Variants in UPF2 observed in about 807,000 individuals in gnomAD.
UPF2 encodes regulator of nonsense transcripts 2.
In UPF2, 17 loss-of-function variants were observed where a neutral mutation model predicts 141.4. The observed-to-expected ratio is 0.12, with a 90% CI of 0.08 to 0.18. The LOEUF is 0.18. Ranked by LOEUF, UPF2 falls within the 10% of genes least tolerant of loss-of-function variation. The pLI, the probability that UPF2 is intolerant of heterozygous loss-of-function variation, is 1.00. For missense variants in UPF2, 1,152 were observed against 1,515.9 expected (o/e 0.76, Z 3.99); for synonymous variants, 540 against 498.0 (o/e 1.08, Z -1.12).
At chr10:12,034,670 T>C (rs1834589942) in intron 2 of UPF2, among the ~76,000 whole-genome samples, 1 of 152,012 alleles carries the variant, frequency 6.6e-6, no homozygotes, top group Non-Finnish European at 1.5e-5. Context: ...CTGGGCATGA[T>C]GGCAGGTGCC....
At chr10:12,018,709 G>A (rs1047425436) in intron 3 of UPF2, among the ~76,000 whole-genome samples, 2 of 152,114 alleles carry the variant, frequency 1.3e-5, no homozygotes, top group Non-Finnish European at 2.9e-5. Flanking sequence ...CCGTGACCGT[G>A]CCACTGTGCT....
intron 2 of UPF2, among the ~76,000 whole-genome samples, chr10:12,030,282 T>C (rs1469413006): frequency 6.6e-6 from 1 of 151,996 alleles, no homozygotes; most frequent in Non-Finnish European, 1.5e-5. Flanking sequence ...CCAGATGTGG[T>C]GGCTCCCAGC....
intron 9 of UPF2, among the ~76,000 whole-genome samples, chr10:11,967,739 G>A (rs11257455): frequency 6.6e-5 from 10 of 151,836 alleles, no homozygotes; most frequent in African/African-American, 2.4e-4. Context: ...ATTTTTAGTA[G>A]AGAAGGGGTT....
rs923364213 is a variant in UPF2, at chr10:12,042,491, G to A, written c.-19+264C>T. 3.3e-5 allele frequency among the ~76,000 whole-genome samples: 5 copies of A among 152,154 alleles called. No individual in the cohort carries two copies. The highest frequency in any genetic ancestry group is 4.8e-5 in the African/African-American group (2 of 41,444). The stretch of plus-strand genomic sequence containing the variant: ...CCTCCAGTCTCGAGGCCCGGCCCAG[G>A]CATGTGGGGCAGGCACCTCCTCCAC... On this transcript the variant is annotated intron_variant, in intron 1 of 21. Coordinates refer to ENST00000357604, the MANE Select transcript of UPF2 (RefSeq NM_015542.4). This position sits in a 1 kb window ranked among gnomAD's most constrained non-coding sequence, Gnocchi z 5.5.
In UPF2 at chr10:11,935,821, A is replaced by C. The variant is rs1316955932; in HGVS notation, c.3546+724T>G. Reference sequence around the variant, plus strand: ...TCAATAGTTGACAAATCAACTATGGATCGCTAGAGTAACAGCTTGGTAGAG... The same window carrying C: ...TCAATAGTTGACAAATCAACTATGGCTCGCTAGAGTAACAGCTTGGTAGAG... On this transcript the variant is annotated intron_variant, in intron 19 of 21. Coordinates refer to ENST00000357604, the MANE Select transcript of UPF2 (RefSeq NM_015542.4). The surrounding 1 kb of genome is among the most constrained non-coding windows in gnomAD (Gnocchi z 4.9). Among the ~76,000 whole-genome samples, 1 of 152,188 alleles carries C rather than the reference A, an allele frequency of 6.6e-6. No individual in the cohort carries two copies. Among genetic ancestry groups the C allele is most frequent in the Non-Finnish European group, 1.5e-5 (1 of 68,044 alleles).
At chr10:12,010,579 T>C (rs1043433386) in intron 4 of UPF2, among the ~76,000 whole-genome samples, 19 of 152,168 alleles carry the variant, frequency 1.2e-4, no homozygotes, top group Non-Finnish European at 2.8e-4. Flanking sequence ...GGAAAGGACA[T>C]CAATGAACTG....
At chr10:11,949,299 A>G (rs1488420005) in intron 15 of UPF2, among the ~76,000 whole-genome samples, 1 of 152,174 alleles carries the variant, frequency 6.6e-6, no homozygotes, top group Non-Finnish European at 1.5e-5. Context: ...GTCACAGAAC[A>G]CACTGCTTTG....
chr10:12,035,494 A>G (rs1834609274), intron 1 of UPF2, 53 bp from the exon 2 acceptor site: 2 of 1,456,470 alleles, frequency 1.4e-6, no homozygotes, highest in Non-Finnish European at 1.8e-6. Context: ...TTTTAAAATG[A>G]TATCACACTA....
rs561393938 is a variant in UPF2, at chr10:11,999,077, G to C, written c.1758+829C>G. On this transcript the variant is annotated intron_variant, in intron 7 of 21. Transcript: ENST00000357604. Reference sequence around the variant, plus strand: ...GGACTCAACAAGGAGACTCTTAAGTGACAGTGGCACTGTTTTTTTAATTGC... The same window carrying C: ...GGACTCAACAAGGAGACTCTTAAGTCACAGTGGCACTGTTTTTTTAATTGC... Among the ~76,000 whole-genome samples the C allele has an allele frequency of 2.0e-5, 3 of 151,782 alleles. No individual in the cohort carries two copies. In the South Asian group the frequency reaches 6.2e-4, roughly 32 times the overall value.
Position 12,014,322 on chromosome 10 carries a change from T to C in UPF2, c.1146-138A>G. On this transcript the variant is annotated intron_variant, in intron 3 of 21. Coordinates refer to ENST00000357604, the MANE Select transcript of UPF2 (RefSeq NM_015542.4). This position sits in a 1 kb window ranked among gnomAD's most constrained non-coding sequence, Gnocchi z 5.0. ...TTCATTTTTATTTAACATTTGAATC[T>C]AGTATTTTCAAAATGTATCTGAAAT... 2.3e-6 allele frequency: 2 copies of C among 859,118 alleles called. No individual in the cohort carries two copies. The highest frequency in any genetic ancestry group is 3.5e-4 in the Middle Eastern group (1 of 2,868). The allele number at this position is 859,118 out of a possible 1,614,324, so 53.2% of individuals were successfully genotyped here.
chr10:11,990,754 C>T (rs1833765843), intron 8 of UPF2, among the ~76,000 whole-genome samples: 1 of 149,440 alleles, frequency 6.7e-6, no homozygotes. Flanking sequence ...TTCGGGAGGC[C>T]GAGGCTGGCA....
intron 21 of UPF2, among the ~76,000 whole-genome samples, chr10:11,927,550 G>C (rs17556902): frequency 0.046 from 6,943 of 152,246 alleles, 207 homozygotes; most frequent in Non-Finnish European, 0.066. Context: ...AGCAGGAAAT[G>C]AACATTTTTC....
At chr10:12,021,379 A>AAAAAAAT (rs112914825) in intron 3 of UPF2, among the ~76,000 whole-genome samples, 28,355 of 146,542 alleles carry the variant, frequency 0.19, 3,141 homozygotes, top group East Asian at 0.43. Flanking sequence ...AAAAAAAAAA[A>AAAAAAAT]TTTTTTTAAA....
chr10:11,956,644 C>T lies in UPF2; in HGVS notation c.2371-121G>A. 1 of 773,416 alleles carries T rather than the reference C, an allele frequency of 1.3e-6. No individual in the cohort carries two copies. Among genetic ancestry groups the T allele is most frequent in the Non-Finnish European group, 2.1e-6 (1 of 478,398 alleles). 47.9% of individuals were successfully genotyped at this position (773,416 alleles called of 1,614,324 possible). Reference sequence around the variant, plus strand: ...TTGAAATAGAAAATACATTAGAAATCCTCTATCGGCCTCTTCAGAAATAGA... The same window carrying T: ...TTGAAATAGAAAATACATTAGAAATTCTCTATCGGCCTCTTCAGAAATAGA... On this transcript the variant is annotated intron_variant, in intron 12 of 21. Transcript: ENST00000357604. This position sits in a 1 kb window ranked among gnomAD's most constrained non-coding sequence, Gnocchi z 4.2.
chr10:11,941,649 G>C lies in UPF2; in HGVS notation c.3378+1016C>G, dbSNP rs190741403. 5.8e-3 allele frequency among the ~76,000 whole-genome samples: 887 copies of C among 151,648 alleles called. 2 individuals carry two copies. The highest frequency in any genetic ancestry group is 8.6e-3 in the Non-Finnish European group (582 of 67,958). ...TTCCCTTTCTGGCAAAACTCCTCAAGACTTATCTATATGTAGTATCTTCAC... is the reference window on the plus strand; with the variant it reads ...TTCCCTTTCTGGCAAAACTCCTCAACACTTATCTATATGTAGTATCTTCAC... On this transcript the variant is annotated intron_variant, in intron 18 of 21. Coordinates refer to ENST00000357604, the MANE Select transcript of UPF2 (RefSeq NM_015542.4).
chr10:11,988,948 T>A (rs1458372043), intron 8 of UPF2, among the ~76,000 whole-genome samples: 1 of 152,212 alleles, frequency 6.6e-6, no homozygotes, highest in Non-Finnish European at 1.5e-5. Context: ...TTGATTACTA[T>A]CTTTCTACTC....
chr10:12,034,426 G>A (rs1834584905), intron 2 of UPF2, among the ~76,000 whole-genome samples: 1 of 151,902 alleles, frequency 6.6e-6, no homozygotes, highest in Non-Finnish European at 1.5e-5. Context: ...AGGTTCAAGC[G>A]ATTCTCCTAC....
chr10:12,004,282 A>C (rs1355593044), intron 5 of UPF2, among the ~76,000 whole-genome samples: 1 of 152,178 alleles, frequency 6.6e-6, no homozygotes, highest in Non-Finnish European at 1.5e-5. Context: ...TCACTACAAG[A>C]CATTATAAAC....
intron 15 of UPF2, among the ~76,000 whole-genome samples, chr10:11,951,746 T>A (rs1049490570): frequency 6.6e-6 from 1 of 152,148 alleles, no homozygotes; most frequent in Non-Finnish European, 1.5e-5. Context: ...AATGCTTTAA[T>A]AAAAAATAGA....
Sources: gnomAD v4.1 joint callset for allele counts (sites outside exome capture counted in the v4.1 genomes callset) on GRCh38, gnomAD v4.1.1 for gene constraint, Gnocchi (gnomAD v3.1) non-coding constraint, MANE v1.5 for transcripts, NCBI Gene and HGNC (gene_info 2026-07-23, HGNC 2026-07-21) for gene names.